LRP1B: variants seen among roughly 807,000 people sequenced by gnomAD.
LRP1B encodes LDL receptor related protein 1B, also known as low-density lipoprotein receptor-related protein 1B.
LRP1B carries 217 observed loss-of-function variants against 556.6 expected under a neutral mutation model. The observed-to-expected ratio is 0.39, with a 90% confidence interval of 0.35 to 0.44. LRP1B has a LOEUF of 0.44. LRP1B is among the 20% of genes least tolerant of loss of function. The pLI, the probability that LRP1B is intolerant of heterozygous loss-of-function variation, is 1.00. For synonymous variants in LRP1B, 2,047 were observed against 1,865.8 expected (o/e 1.10, Z -2.50); for missense variants, 5,053 against 5,620.8 (o/e 0.90, Z 3.23).
intron 27 of LRP1B, among the ~76,000 whole-genome samples, chr2:140,860,491 G>T (rs1396506158): frequency 6.6e-6 from 1 of 152,114 alleles, no homozygotes; most frequent in Admixed American, 6.5e-5. Context: ...AAACTAAAAT[G>T]TTCCTGCAAA....
intron 11 of LRP1B, among the ~76,000 whole-genome samples, chr2:141,024,465 A>C (rs1253019296): frequency 6.6e-6 from 1 of 152,010 alleles, no homozygotes; most frequent in Non-Finnish European, 1.5e-5. Context: ...TCCAATGCAA[A>C]CTGTCACTCT....
chr2:140,966,796 T>C (rs931957626), intron 18 of LRP1B, among the ~76,000 whole-genome samples: 1 of 152,114 alleles, frequency 6.6e-6, no homozygotes, highest in Non-Finnish European at 1.5e-5. Flanking sequence ...TTATTAAATA[T>C]GGAATCCTTT....
At chr2:141,868,699 A>T (rs1698489190) in intron 1 of LRP1B, among the ~76,000 whole-genome samples, 1 of 152,146 alleles carries the variant, frequency 6.6e-6, no homozygotes, top group Non-Finnish European at 1.5e-5. Context: ...AGCCTAGCAA[A>T]TTATGGACTT....
chr2:141,082,418 A>T (rs1699946953), intron 7 of LRP1B, among the ~76,000 whole-genome samples: 1 of 152,192 alleles, frequency 6.6e-6, no homozygotes, highest in Non-Finnish European at 1.5e-5. Flanking sequence ...ATCTCATCTT[A>T]CTATCTTTAT....
At chr2:140,557,124 A>G (rs1574076839) in intron 43 of LRP1B, among the ~76,000 whole-genome samples, 1 of 152,166 alleles carries the variant, frequency 6.6e-6, no homozygotes, top group Non-Finnish European at 1.5e-5. Flanking sequence ...TACGATTTAC[A>G]TACCAAGTGA....
At chr2:142,109,458 A>G (rs994406745) in intron 1 of LRP1B, among the ~76,000 whole-genome samples, 1 of 152,192 alleles carries the variant, frequency 6.6e-6, no homozygotes, top group African/African-American at 2.4e-5. Flanking sequence ...TTTTTACAAC[A>G]TTAGAACAAG....
chr2:140,716,195 C>G (rs1185195798), intron 36 of LRP1B, 93 bp from the exon 37 acceptor site: 1 of 913,812 alleles, frequency 1.1e-6, no homozygotes, highest in East Asian at 2.5e-5. Flanking sequence ...ATTCACATAA[C>G]TATCAAGAAA....
intron 1 of LRP1B, among the ~76,000 whole-genome samples, chr2:141,891,740 C>T (rs1380993559): frequency 6.6e-6 from 1 of 152,042 alleles, no homozygotes; most frequent in Admixed American, 6.6e-5. Context: ...AACATTTCTC[C>T]CTCTGTCTGT....
intron 27 of LRP1B, among the ~76,000 whole-genome samples, chr2:140,855,155 G>T (rs1005932005): frequency 1.4e-4 from 21 of 151,842 alleles, no homozygotes; most frequent in Non-Finnish European, 1.2e-4. Flanking sequence ...ATACAATAGT[G>T]GACGAGTTCT....
intron 6 of LRP1B, among the ~76,000 whole-genome samples, chr2:141,223,698 G>T (rs1479309338): frequency 2.0e-5 from 3 of 152,084 alleles, no homozygotes; most frequent in African/African-American, 7.2e-5. Context: ...CAGACCAGTG[G>T]AACAGAATAG....
At chr2:140,553,335 A>G (rs990525835) in intron 43 of LRP1B, among the ~76,000 whole-genome samples, 3 of 152,008 alleles carry the variant, frequency 2.0e-5, no homozygotes, top group Admixed American at 2.0e-4. Context: ...AGATGCCTAA[A>G]TGACACTAGT....
intron 43 of LRP1B, among the ~76,000 whole-genome samples, chr2:140,569,714 C>T (rs1681251929): frequency 6.6e-6 from 1 of 151,798 alleles, no homozygotes; most frequent in Non-Finnish European, 1.5e-5. Context: ...ATTTATAGAA[C>T]ATTTTATGCA....
intron 35 of LRP1B, among the ~76,000 whole-genome samples, chr2:140,766,205 TA>T (rs36115374): frequency 0.073 from 9,908 of 136,560 alleles, 839 homozygotes; most frequent in East Asian, 0.19. Flanking sequence ...GGTCATGATT[TA>T]AAAAAAAAGA....
chr2:140,959,856 G>A (rs1208677334), intron 18 of LRP1B, among the ~76,000 whole-genome samples: 1 of 151,450 alleles, frequency 6.6e-6, no homozygotes, highest in Non-Finnish European at 1.5e-5. Context: ...ATGTTATGTG[G>A]CATTTCATTG....
At chr2:140,266,023 C>T (rs1262113067) in intron 86 of LRP1B, among the ~76,000 whole-genome samples, 1 of 151,864 alleles carries the variant, frequency 6.6e-6, no homozygotes, top group East Asian at 1.9e-4. Context: ...CCTCCTGAAC[C>T]ATCTCTCTCT....
intron 2 of LRP1B, among the ~76,000 whole-genome samples, chr2:141,576,140 A>G (rs899115350): frequency 4.5e-4 from 68 of 152,034 alleles, no homozygotes; most frequent in African/African-American, 1.6e-3. Flanking sequence ...AGACACATGC[A>G]CACATACCTT....
At chr2:140,739,391 C>T (rs1451910440) in intron 35 of LRP1B, among the ~76,000 whole-genome samples, 1 of 150,314 alleles carries the variant, frequency 6.7e-6, no homozygotes, top group Admixed American at 6.6e-5. Context: ...AGAATAGGTA[C>T]AATAAAACAG....
At chr2:141,545,276 T>C (rs1315682557) in intron 2 of LRP1B, among the ~76,000 whole-genome samples, 2 of 152,236 alleles carry the variant, frequency 1.3e-5, no homozygotes, top group African/African-American at 4.8e-5. Context: ...CTCTGTCTCA[T>C]GACTAGGGCC....
At chr2:141,945,917 T>C (rs1700941116) in intron 1 of LRP1B, among the ~76,000 whole-genome samples, 1 of 151,896 alleles carries the variant, frequency 6.6e-6, no homozygotes, top group Non-Finnish European at 1.5e-5. Flanking sequence ...AATGCGGTGA[T>C]AAGAAACCAG....
Sources: gnomAD v4.1 joint callset for allele counts (sites outside exome capture counted in the v4.1 genomes callset) on GRCh38, gnomAD v4.1.1 for gene constraint, MANE v1.5 for transcripts, NCBI Gene and HGNC (gene_info 2026-07-23, HGNC 2026-07-21) for gene names.